Variants in LYZL4 observed in about 807,000 individuals in gnomAD.
LYZL4 encodes the protein lysozyme like 4, also known as lysozyme-like protein 4.
A neutral mutation model predicts 17.6 loss-of-function variants in LYZL4; 13 were observed. That is an observed-to-expected ratio of 0.74 (90% confidence interval 0.48 to 1.18). LYZL4 has a LOEUF of 1.18. Ranked by LOEUF, LYZL4 falls within the 50% of genes most tolerant of loss-of-function variation. The probability of loss-of-function intolerance (pLI) is 0.00; values close to 1 mark genes in which losing one functional copy is unlikely to be tolerated. For synonymous variants in LYZL4, 64 were observed against 67.7 expected (o/e 0.95, Z 0.27); for missense variants, 174 against 188.2 (o/e 0.92, Z 0.44).
downstream of LYZL4, among the ~76,000 whole-genome samples, chr3:42,392,580 T>C (rs148750637): frequency 6.6e-6 from 1 of 152,310 alleles, no homozygotes. Flanking sequence ...AAGTTGGTTG[T>C]AACCAGGATT....
chr3:42,386,932 G>A, the LYZL4 span, among the ~76,000 whole-genome samples: 7 of 151,998 alleles, frequency 4.6e-5, no homozygotes, highest in African/African-American at 1.7e-4. Context: ...AGTATGTGGG[G>A]GTTCACTGTG....
chr3:42,400,503 C>T (rs1262583831), intron 4 of LYZL4, among the ~76,000 whole-genome samples: 1 of 152,214 alleles, frequency 6.6e-6, no homozygotes, highest in African/African-American at 2.4e-5. Context: ...AGGATTCAAT[C>T]ATGATGTGCA....
At chr3:42,378,247 CA>C in the LYZL4 span, among the ~76,000 whole-genome samples, 8 of 152,200 alleles carry the variant, frequency 5.3e-5, no homozygotes. Flanking sequence ...CAGGGGCCTA[CA>C]GTGTTCATCA....
chr3:42,360,923 T>C, the LYZL4 span, among the ~76,000 whole-genome samples: 2 of 152,202 alleles, frequency 1.3e-5, no homozygotes, highest in Non-Finnish European at 2.9e-5. Context: ...AAGCCTGATA[T>C]GTTTTCAATT....
the LYZL4 span, among the ~76,000 whole-genome samples, chr3:42,390,041 G>T: frequency 6.6e-6 from 1 of 152,146 alleles, no homozygotes; most frequent in Non-Finnish European, 1.5e-5. Context: ...AAAGACCACT[G>T]GTTGTTCATT....
the LYZL4 span, among the ~76,000 whole-genome samples, chr3:42,381,599 A>C: frequency 6.6e-6 from 1 of 152,202 alleles, no homozygotes; most frequent in East Asian, 1.9e-4. Context: ...CGAGGTAATA[A>C]ATTGGAATGT....
intron 4 of LYZL4, among the ~76,000 whole-genome samples, chr3:42,402,315 C>CTTTTTTTT (rs201251667): frequency 7.3e-6 from 1 of 136,976 alleles, no homozygotes; most frequent in Non-Finnish European, 1.6e-5. Context: ...CTTTTCTTTT[C>CTTTTTTTT]TTTCTTTTTT....
the LYZL4 span, among the ~76,000 whole-genome samples, chr3:42,367,174 C>T: frequency 1.3e-5 from 2 of 152,126 alleles, no homozygotes; most frequent in Non-Finnish European, 2.9e-5. Context: ...ATAAAGCACC[C>T]CACACACATA....
At chr3:42,397,548 G>A (rs1698573222) in intron 4 of LYZL4, among the ~76,000 whole-genome samples, 1 of 152,098 alleles carries the variant, frequency 6.6e-6, no homozygotes, top group African/African-American at 2.4e-5. Context: ...CTCCATCCTA[G>A]TGCCCACATC....
the LYZL4 span, among the ~76,000 whole-genome samples, chr3:42,386,410 C>G: frequency 0.011 from 1,358 of 124,128 alleles, 92 homozygotes; most frequent in East Asian, 0.065. Flanking sequence ...CCCCCCCCCC[C>G]CCGCCTCCCT....
the LYZL4 span, among the ~76,000 whole-genome samples, chr3:42,385,643 A>T: frequency 1.3e-5 from 2 of 152,188 alleles, no homozygotes; most frequent in African/African-American, 4.8e-5. Context: ...GCCCTGTGGG[A>T]TTATGGGGAC....
At chr3:42,395,239 ATTGATTTGGATC>A (rs895158000), downstream of LYZL4, among the ~76,000 whole-genome samples, 1 of 152,206 alleles carries the variant, frequency 6.6e-6, no homozygotes, top group Non-Finnish European at 1.5e-5. Context: ...GAAAGGCTGA[ATTGATTTGGATC>A]TTGCCTGCCT....
the LYZL4 span, among the ~76,000 whole-genome samples, chr3:42,381,370 GC>G: frequency 6.6e-6 from 1 of 151,938 alleles, no homozygotes; most frequent in Non-Finnish European, 1.5e-5. Flanking sequence ...GTCATCCCCT[GC>G]CCCCCAGGAA....
chr3:42,365,626 C>A, the LYZL4 span, among the ~76,000 whole-genome samples: 6 of 152,148 alleles, frequency 3.9e-5, no homozygotes, highest in African/African-American at 1.2e-4. Context: ...CAAAGCAAGT[C>A]ACGTAGCTAG....
At chr3:42,381,769 A>G in the LYZL4 span, among the ~76,000 whole-genome samples, 1 of 152,250 alleles carries the variant, frequency 6.6e-6, no homozygotes, top group South Asian at 2.1e-4. Flanking sequence ...TTCTACAGAA[A>G]TAAATCTACC....
chr3:42,390,869 G>A, the LYZL4 span, among the ~76,000 whole-genome samples: 17 of 152,170 alleles, frequency 1.1e-4, no homozygotes, highest in African/African-American at 3.9e-4. Flanking sequence ...GGAACAAGAT[G>A]AATCAGCATG....
the LYZL4 span, among the ~76,000 whole-genome samples, chr3:42,378,175 G>A: frequency 6.6e-6 from 1 of 152,324 alleles, no homozygotes; most frequent in East Asian, 1.9e-4. Flanking sequence ...GAAGTGTTGA[G>A]ATTGGTACAA....
At chr3:42,365,839 T>C in the LYZL4 span, among the ~76,000 whole-genome samples, 1 of 152,228 alleles carries the variant, frequency 6.6e-6, no homozygotes. Flanking sequence ...TTTTTACTTA[T>C]TGGCATTTTT....
At chr3:42,383,217 T>G in the LYZL4 span, among the ~76,000 whole-genome samples, 1 of 152,146 alleles carries the variant, frequency 6.6e-6, no homozygotes, top group Non-Finnish European at 1.5e-5. Flanking sequence ...AGACCCAGCC[T>G]ACTCCTCAAC....
Sources: gnomAD v4.1 joint callset for allele counts (sites outside exome capture counted in the v4.1 genomes callset) on GRCh38, gnomAD v4.1.1 for gene constraint, MANE v1.5 for transcripts, NCBI Gene and HGNC (gene_info 2026-07-23, HGNC 2026-07-21) for gene names.